Variants in KALRN observed in about 807,000 individuals in gnomAD.
KALRN encodes kalirin.
In KALRN, 70 loss-of-function variants were observed where a neutral mutation model predicts 353.7. That is an observed-to-expected ratio of 0.20 (90% CI 0.16 to 0.24). The LOEUF (loss-of-function observed/expected upper bound fraction) is 0.24. KALRN is among the 10% of genes least tolerant of loss of function. The pLI is 1.00. For missense variants in KALRN, 2,791 were observed against 3,756.7 expected, an observed-to-expected ratio of 0.74 and a Z score of 6.72; for synonymous variants, 1,391 against 1,434.8, an observed-to-expected ratio of 0.97 and a Z score of 0.69.
intron 1 of KALRN, among the ~76,000 whole-genome samples, chr3:124,202,250 T>A (rs2076005476): frequency 6.6e-6 from 1 of 152,166 alleles, no homozygotes; most frequent in African/African-American, 2.4e-5. Context: ...TTTAGTTTTT[T>A]TGTTTGTTTT....
intron 57 of KALRN, among the ~76,000 whole-genome samples, chr3:124,704,826 A>G (rs1349051890): frequency 1.3e-5 from 2 of 152,230 alleles, no homozygotes; most frequent in Non-Finnish European, 2.9e-5. Flanking sequence ...CTGGGATTAC[A>G]GGCGTGAGCC....
chr3:124,446,642 A>G, intron 20 of KALRN, 121 bp from the exon 21 acceptor site: 1 of 1,259,614 alleles, frequency 7.9e-7, no homozygotes, highest in Non-Finnish European at 1.1e-6. Context: ...CATACCAATC[A>G]AATTGTCAGT....
At chr3:124,421,215 T>G (rs1432832324) in intron 14 of KALRN, among the ~76,000 whole-genome samples, 1 of 152,176 alleles carries the variant, frequency 6.6e-6, no homozygotes, top group Non-Finnish European at 1.5e-5. Context: ...AGGATTTTCC[T>G]AGATCTAAGG....
chr3:124,637,231 G>A lies in KALRN; in HGVS notation c.5592G>A (p.Arg1864=), dbSNP rs78141278. The change falls in exon 37 of 60, where the codon CGG becomes CGA. Residue 1864 remains arginine (R), a synonymous_variant. Transcript: ENST00000682506. ...DEMSSSLLAA[R]QASTEVPTAA... is the part of the protein sequence containing the mutation. ...AGTCCTCCTCTTTGCTAGCAGCCCG[G>A]CAGGCTTCCACTGAAGTACCTACTG... The A allele has an allele frequency of 1.7e-3, 2,815 of 1,614,114 alleles. 42 individuals carry two copies. The African/African-American group carries it at 0.034, about 19-fold the overall frequency.
chr3:124,713,456 T>C (rs2062987011), intron 58 of KALRN, among the ~76,000 whole-genome samples: 1 of 152,156 alleles, frequency 6.6e-6, no homozygotes, highest in Non-Finnish European at 1.5e-5. Flanking sequence ...GGCAGGAGTT[T>C]GGGAAGAGCT....
At chr3:124,145,199 C>A (rs2067179729) in intron 1 of KALRN, among the ~76,000 whole-genome samples, 1 of 152,180 alleles carries the variant, frequency 6.6e-6, no homozygotes, top group South Asian at 2.1e-4. Context: ...CAGACCTATC[C>A]TCCTCCCTTT....
At chr3:124,312,280 C>T (rs1159239365) in intron 6 of KALRN, among the ~76,000 whole-genome samples, 1 of 152,156 alleles carries the variant, frequency 6.6e-6, no homozygotes, top group East Asian at 1.9e-4. Flanking sequence ...TATGCCTCAG[C>T]CTCCTGAGTA....
At chr3:124,303,565 C>T (rs568766235) in intron 6 of KALRN, among the ~76,000 whole-genome samples, 16 of 152,282 alleles carry the variant, frequency 1.1e-4, no homozygotes, top group Admixed American at 2.0e-4. Context: ...GTTCTTCATG[C>T]GACTCGCAGG....
chr3:124,334,545 C>T lies in KALRN; in HGVS notation c.1647+50C>T, dbSNP rs7340614. On this transcript the variant is annotated intron_variant, in intron 9 of 59. Coordinates refer to ENST00000682506, the MANE Select transcript of KALRN (RefSeq NM_001388419.1). The surrounding 1 kb of genome is among the most constrained non-coding windows in gnomAD (Gnocchi z 4.2). Reference sequence around the variant, plus strand: ...CCATTATCCATTCTAGGAGGCAGACCGAGCTCAAGTCCCTGACCTAGGTGA... The same window carrying T: ...CCATTATCCATTCTAGGAGGCAGACTGAGCTCAAGTCCCTGACCTAGGTGA... 14,365 of 1,347,384 alleles carry T rather than the reference C, an allele frequency of 0.011. 1,130 individuals carry two copies. The African/African-American group carries it at 0.18, about 17-fold the overall frequency. The allele number at this position is 1,347,384 out of a possible 1,614,324, so 83.5% of individuals were successfully genotyped here.
intron 33 of KALRN, among the ~76,000 whole-genome samples, chr3:124,521,268 G>A (rs1219446368): frequency 6.6e-6 from 1 of 152,180 alleles, no homozygotes; most frequent in African/African-American, 2.4e-5. Context: ...ATTATGAAGT[G>A]GGTGAGTAAA....
chr3:124,655,293 A>G (rs1282317775), intron 38 of KALRN, among the ~76,000 whole-genome samples: 1 of 152,212 alleles, frequency 6.6e-6, no homozygotes, highest in Non-Finnish European at 1.5e-5. Context: ...TGTCTATACA[A>G]TCGTTCAGTT....
chr3:124,493,013 C>T, intron 32 of KALRN, 131 bp downstream of exon 32: 1 of 952,512 alleles, frequency 1.0e-6, no homozygotes, highest in Non-Finnish European at 1.6e-6. Context: ...GTGAGTTCTA[C>T]CTAGGATGAG....
At chr3:124,039,262 A>G (rs908321284) in intron 1 of KALRN, among the ~76,000 whole-genome samples, 14 of 152,194 alleles carry the variant, frequency 9.2e-5, no homozygotes, top group African/African-American at 3.4e-4. Context: ...TTAAGACTTG[A>G]TCCCTGCCTT....
intron 1 of KALRN, among the ~76,000 whole-genome samples, chr3:124,049,185 GC>G (rs1301986791): frequency 6.6e-6 from 1 of 152,188 alleles, no homozygotes; most frequent in Non-Finnish European, 1.5e-5. Flanking sequence ...CAAAAAAGCC[GC>G]ATCTGTTCTT....
chr3:124,472,421 G>A (rs562213399), intron 25 of KALRN, among the ~76,000 whole-genome samples: 2 of 152,306 alleles, frequency 1.3e-5, no homozygotes, highest in Non-Finnish European at 2.9e-5. Context: ...TGGGCACGGT[G>A]GCTCATGCCT....
intron 33 of KALRN, among the ~76,000 whole-genome samples, chr3:124,557,841 G>A (rs2071458363): frequency 6.6e-6 from 1 of 152,196 alleles, no homozygotes; most frequent in African/African-American, 2.4e-5. Flanking sequence ...AGTGTCAGAA[G>A]TCAGTATTCA....
intron 33 of KALRN, among the ~76,000 whole-genome samples, chr3:124,523,870 C>T (rs1473652530): frequency 1.3e-5 from 2 of 152,232 alleles, no homozygotes. Context: ...TGCTTCTATA[C>T]TGTCTTTGAC....
In KALRN at chr3:124,123,132, G is replaced by A. The variant is rs1191208252; in HGVS notation, c.73+89319G>A. 4.6e-5 allele frequency among the ~76,000 whole-genome samples: 7 copies of A among 151,854 alleles called. No individual in the cohort carries two copies. In the South Asian group the frequency reaches 6.3e-4, roughly 14 times the overall value. On this transcript the variant is annotated intron_variant, in intron 1 of 59. Transcript: ENST00000682506. The stretch of plus-strand genomic sequence containing the variant: ...GGAGAATCGCTTGAACATGGGAGGC[G>A]GAGGTTGCAGTGAGCCGAGATTGCG...
At chr3:124,563,166 A>G (rs1561296532) in intron 34 of KALRN, 77 bp downstream of exon 34, 3 of 1,301,932 alleles carry the variant, frequency 2.3e-6, no homozygotes, top group Non-Finnish European at 3.1e-6. Context: ...GAAGACCACC[A>G]TGGAAGTGAC....
Sources: allele counts gnomAD v4.1 joint callset (sites outside exome capture counted in the v4.1 genomes callset), GRCh38; gene constraint gnomAD v4.1.1; non-coding constraint Gnocchi (gnomAD v3.1); transcripts MANE v1.5; gene names NCBI Gene and HGNC (gene_info 2026-07-23, HGNC 2026-07-21).